HSPA12A: variants seen among roughly 807,000 people sequenced by gnomAD.
HSPA12A encodes the protein heat shock 70 kDa protein 12A.
A neutral mutation model predicts 69.2 loss-of-function variants in HSPA12A; 28 were observed. The ratio of observed to expected loss-of-function variants is 0.40; its 90% CI spans 0.30 to 0.55. The LOEUF is 0.55. Ranked by LOEUF, HSPA12A falls within the 20% of genes least tolerant of loss-of-function variation. The pLI is 0.38. For missense variants in HSPA12A, 686 were observed against 900.7 expected (o/e 0.76, Z 3.05); for synonymous variants, 345 against 370.5 (o/e 0.93, Z 0.79).
chr10:116,742,349 G>A (rs1851539991), intron 1 of HSPA12A, 81 bp downstream of exon 1: 5 of 1,332,018 alleles, frequency 3.8e-6, no homozygotes, highest in Non-Finnish European at 4.9e-6. Context: ...CGCGCGAGGG[G>A]GTGCGGAGCG....
chr10:116,698,540 T>C lies in HSPA12A; in HGVS notation c.546+95A>G, dbSNP rs1284227509. Reference sequence around the variant, plus strand: ...CACTCTCCCTCCAGGCTGTGCCTCCTACCCTGGCCAGCAGGTGCAGCAGCC... The same window carrying C: ...CACTCTCCCTCCAGGCTGTGCCTCCCACCCTGGCCAGCAGGTGCAGCAGCC... On this transcript the variant is annotated intron_variant, in intron 5 of 11. Coordinates refer to ENST00000369209, the MANE Select transcript of HSPA12A (RefSeq NM_025015.3). The C allele has an allele frequency of 6.6e-6, 6 of 911,448 alleles. No individual in the cohort carries two copies. In the African/African-American group the frequency reaches 9.7e-5, roughly 15 times the overall value. The allele number at this position is 911,448 out of a possible 1,614,324, so 56.5% of individuals were successfully genotyped here.
At chr10:116,693,622 T>A (rs975177500) in intron 5 of HSPA12A, among the ~76,000 whole-genome samples, 4 of 152,208 alleles carry the variant, frequency 2.6e-5, no homozygotes, top group African/African-American at 9.6e-5. Context: ...GAAAGATTAA[T>A]AGACTGATGA....
At chr10:116,679,144 C>T (rs1409564859) in intron 10 of HSPA12A, among the ~76,000 whole-genome samples, 2 of 152,190 alleles carry the variant, frequency 1.3e-5, no homozygotes, top group African/African-American at 4.8e-5. Context: ...TACTGCATAC[C>T]AGGTTCTCTT....
chr10:116,788,287 C>T (rs1589706780), intron 2 of HSPA12A, among the ~76,000 whole-genome samples: 1 of 152,126 alleles, frequency 6.6e-6, no homozygotes, highest in African/African-American at 2.4e-5. Flanking sequence ...CATAGGCGGG[C>T]CCACGCTTGA....
intron 2 of HSPA12A, among the ~76,000 whole-genome samples, chr10:116,810,031 G>C (rs1312790391): frequency 1.3e-5 from 2 of 152,156 alleles, no homozygotes; most frequent in Non-Finnish European, 2.9e-5. Context: ...CCCACCGAAG[G>C]AGAACTGAAG....
chr10:116,816,106 C>T lies in HSPA12A; in HGVS notation c.91+18829G>A, dbSNP rs193085800. Reference sequence around the variant, plus strand: ...TGAGGCTTGGAGAAGGAAAGGAACTCGCATGCTGGCCGCAGAGAGGAGTGA... The same window carrying T: ...TGAGGCTTGGAGAAGGAAAGGAACTTGCATGCTGGCCGCAGAGAGGAGTGA... On this transcript the variant is annotated intron_variant, in intron 2 of 12. Transcript: ENST00000635765. Among the ~76,000 whole-genome samples, 7 of 152,282 alleles carry T rather than the reference C, an allele frequency of 4.6e-5. No individual in the cohort carries two copies. In the East Asian group the frequency reaches 9.7e-4, roughly 21 times the overall value.
intron 3 of HSPA12A, among the ~76,000 whole-genome samples, chr10:116,702,073 C>T (rs1481917083): frequency 2.6e-5 from 4 of 151,980 alleles, no homozygotes; most frequent in Non-Finnish European, 5.9e-5. Flanking sequence ...CGCATCACTG[C>T]ACTCCAGCCT....
chr10:116,721,501 G>A (rs1164550445), intron 1 of HSPA12A, among the ~76,000 whole-genome samples: 1 of 152,064 alleles, frequency 6.6e-6, no homozygotes, highest in Non-Finnish European at 1.5e-5. Context: ...CCCAGAGAAG[G>A]CAAAATACTG....
In HSPA12A at chr10:116,683,157, T is replaced by C. The variant is rs537791070; in HGVS notation, c.835+634A>G. On this transcript the variant is annotated intron_variant, in intron 7 of 11. Coordinates refer to ENST00000369209, the MANE Select transcript of HSPA12A (RefSeq NM_025015.3). ...CCTGACAGGGCGTGTCTGCAAACCCTATAGCCCTCGACACACCCACAGAGC... is the reference window on the plus strand; with the variant it reads ...CCTGACAGGGCGTGTCTGCAAACCCCATAGCCCTCGACACACCCACAGAGC... Among the ~76,000 whole-genome samples, 50 of 152,172 alleles carry C rather than the reference T, an allele frequency of 3.3e-4. No homozygotes were observed. In the South Asian group the frequency reaches 1.0e-2, roughly 30 times the overall value.
chr10:116,800,702 TGTCCCACA>T (rs1220695099), intron 2 of HSPA12A, among the ~76,000 whole-genome samples: 1 of 152,200 alleles, frequency 6.6e-6, no homozygotes, highest in Non-Finnish European at 1.5e-5. Context: ...CTTGGTACCT[TGTCCCACA>T]GTCCAGGGTA....
intron 9 of HSPA12A, among the ~76,000 whole-genome samples, chr10:116,680,444 A>T (rs571650544): frequency 6.6e-6 from 1 of 152,290 alleles, no homozygotes; most frequent in Non-Finnish European, 1.5e-5. Context: ...ATTACTTATT[A>T]TCCTTTCCCC....
intron 2 of HSPA12A, among the ~76,000 whole-genome samples, chr10:116,753,908 G>A (rs1441633112): frequency 2.6e-5 from 4 of 152,152 alleles, no homozygotes; most frequent in East Asian, 1.9e-4. Flanking sequence ...ATGAACACTC[G>A]CTTCACTCCA....
At chr10:116,836,470 C>T (rs1223872752) in intron 1 of HSPA12A, among the ~76,000 whole-genome samples, 3 of 152,132 alleles carry the variant, frequency 2.0e-5, no homozygotes, top group South Asian at 2.1e-4. Context: ...TTAACTAGAT[C>T]GCTTTGGTTC....
intron 2 of HSPA12A, among the ~76,000 whole-genome samples, chr10:116,817,724 G>A (rs1845333262): frequency 6.6e-6 from 1 of 152,062 alleles, no homozygotes; most frequent in Non-Finnish European, 1.5e-5. Flanking sequence ...AAGAATGTGG[G>A]TCAGTCAAGA....
In HSPA12A at chr10:116,707,254, T is replaced by C; in HGVS notation, c.72A>G (p.Pro24=). The change falls in exon 2 of 12, where the codon CCA becomes CCG. Residue 24 remains proline (P), a synonymous_variant. Coordinates refer to ENST00000369209, the MANE Select transcript of HSPA12A (RefSeq NM_025015.3). ...ETAPTSAYSS[P]ARSLGDTGIT... Reference sequence around the variant, plus strand: ...TTCCTGTGTCCCCAAGACTCCGGGCTGGAGATGAATATGCAGATGTGGGAG... The same window carrying C: ...TTCCTGTGTCCCCAAGACTCCGGGCCGGAGATGAATATGCAGATGTGGGAG... 1 of 1,612,624 alleles carries C rather than the reference T, an allele frequency of 6.2e-7. No homozygotes were observed. The highest frequency in any genetic ancestry group is 8.5e-7 in the Non-Finnish European group (1 of 1,179,646).
intron 2 of HSPA12A, among the ~76,000 whole-genome samples, chr10:116,772,988 C>A (rs890573744): frequency 1.3e-5 from 2 of 152,196 alleles, no homozygotes; most frequent in Non-Finnish European, 2.9e-5. Flanking sequence ...CAGGCATGAG[C>A]CACTGCACCT....
chr10:116,844,920 T>A (rs1441638742), intron 1 of HSPA12A, among the ~76,000 whole-genome samples: 2 of 152,256 alleles, frequency 1.3e-5, no homozygotes, highest in Non-Finnish European at 2.9e-5. Flanking sequence ...AGCTTAGAAA[T>A]TCTTTTTGAA....
intron 1 of HSPA12A, chr10:116,849,495 C>A: frequency 7.0e-7 from 1 of 1,425,028 alleles, no homozygotes; most frequent in South Asian, 1.6e-5. Flanking sequence ...GATCACGTTG[C>A]GTTGCCTAGC....
chr10:116,736,228 G>A (rs898105876), intron 1 of HSPA12A, among the ~76,000 whole-genome samples: 30 of 152,104 alleles, frequency 2.0e-4, no homozygotes, highest in Non-Finnish European at 3.1e-4. Flanking sequence ...TGTCTCTAAG[G>A]ACCCTACTGA....
Sources: gnomAD v4.1 joint callset for allele counts (sites outside exome capture counted in the v4.1 genomes callset) on GRCh38, gnomAD v4.1.1 for gene constraint, MANE v1.5 for transcripts, NCBI Gene and HGNC (gene_info 2026-07-23, HGNC 2026-07-21) for gene names.